FGGY: variants seen among roughly 807,000 people sequenced by gnomAD.
FGGY encodes the protein FGGY carbohydrate kinase domain containing, also known as FGGY carbohydrate kinase domain-containing protein.
FGGY carries 72 observed loss-of-function variants against 71.3 expected under a neutral mutation model. The observed-to-expected ratio is 1.01, with a 90% CI of 0.84 to 1.23. The LOEUF (loss-of-function observed/expected upper bound fraction) is 1.23. Ranked by LOEUF, FGGY falls within the 50% of genes most tolerant of loss-of-function variation. FGGY has a pLI of 0.00. For synonymous variants in FGGY, 251 were observed against 250.3 expected (o/e 1.00, Z -0.02); for missense variants, 668 against 682.3 (o/e 0.98, Z 0.23).
chr1:59,524,055 G>C (rs1434043866), intron 7 of FGGY, among the ~76,000 whole-genome samples: 16 of 152,204 alleles, frequency 1.1e-4, no homozygotes, highest in Non-Finnish European at 2.9e-5. Context: ...CGCTCTCAGG[G>C]GCCCAGGAAG....
intron 5 of FGGY, among the ~76,000 whole-genome samples, chr1:59,448,008 C>T (rs56354248): frequency 0.037 from 5,630 of 152,090 alleles, 148 homozygotes; most frequent in East Asian, 0.13. Context: ...TTTTTATCCT[C>T]ACTTTCAGGG....
chr1:59,301,962 C>T (rs1425051128), intron 1 of FGGY, among the ~76,000 whole-genome samples: 2 of 150,720 alleles, frequency 1.3e-5, no homozygotes, highest in Non-Finnish European at 3.0e-5. Context: ...GTCTTGATCT[C>T]CTGACCTTAG....
chr1:59,535,300 C>T (rs909907400), intron 7 of FGGY, among the ~76,000 whole-genome samples: 14 of 152,220 alleles, frequency 9.2e-5, no homozygotes, highest in East Asian at 3.9e-4. Context: ...AATATATGTG[C>T]ACCCAATACA....
chr1:59,413,696 C>G (rs1235382026), intron 5 of FGGY, among the ~76,000 whole-genome samples: 1 of 152,200 alleles, frequency 6.6e-6, no homozygotes, highest in Non-Finnish European at 1.5e-5. Flanking sequence ...GGGCCAGACA[C>G]ATGACTGTAA....
At chr1:59,474,428 T>C (rs1355026217) in intron 6 of FGGY, among the ~76,000 whole-genome samples, 1 of 152,212 alleles carries the variant, frequency 6.6e-6, no homozygotes, top group Non-Finnish European at 1.5e-5. Context: ...ATTTCCTTGG[T>C]CCTGCAGCAT....
intron 7 of FGGY, among the ~76,000 whole-genome samples, chr1:59,519,898 G>T (rs1312567710): frequency 1.3e-5 from 2 of 152,168 alleles, no homozygotes; most frequent in African/African-American, 2.4e-5. Context: ...TTTTCTCTAG[G>T]CCAGTGGTTC....
chr1:59,325,686 A>T (rs755252361), intron 2 of FGGY, among the ~76,000 whole-genome samples: 1 of 152,342 alleles, frequency 6.6e-6, no homozygotes, highest in South Asian at 2.1e-4. Context: ...TGTTGAATGA[A>T]TGTTACTTAG....
At chr1:59,309,773 C>T (rs1401044436) in intron 1 of FGGY, among the ~76,000 whole-genome samples, 6 of 151,946 alleles carry the variant, frequency 3.9e-5, no homozygotes, top group Non-Finnish European at 7.4e-5. Flanking sequence ...GCCAGGAATT[C>T]GAGACCATTC....
chr1:59,651,987 T>G (rs1279946153), intron 11 of FGGY, among the ~76,000 whole-genome samples: 2 of 150,730 alleles, frequency 1.3e-5, no homozygotes, highest in Admixed American at 6.6e-5. Context: ...GTCTGTAAAG[T>G]ATTTTATTTC....
intron 6 of FGGY, among the ~76,000 whole-genome samples, chr1:59,461,276 G>A (rs778375345): frequency 9.2e-5 from 14 of 152,126 alleles, no homozygotes; most frequent in Admixed American, 1.3e-4. Context: ...TGACACATGC[G>A]CAAGCTTCAA....
chr1:59,752,696 G>A (rs1457104849), intron 14 of FGGY, among the ~76,000 whole-genome samples: 1 of 152,202 alleles, frequency 6.6e-6, no homozygotes, highest in Non-Finnish European at 1.5e-5. Context: ...GGTCATTACA[G>A]TGAGAATTGG....
At chr1:59,734,592 A>C (rs1422179302) in intron 14 of FGGY, among the ~76,000 whole-genome samples, 1 of 152,220 alleles carries the variant, frequency 6.6e-6, no homozygotes, top group African/African-American at 2.4e-5. Context: ...AATCTCAGCT[A>C]AGCTATGACA....
At chr1:59,312,109 G>A (rs1271720967) in intron 1 of FGGY, among the ~76,000 whole-genome samples, 1 of 152,022 alleles carries the variant, frequency 6.6e-6, no homozygotes, top group Non-Finnish European at 1.5e-5. Context: ...GTTTCTTTTT[G>A]TCTTGCAAAT....
intron 14 of FGGY, among the ~76,000 whole-genome samples, chr1:59,682,170 G>T (rs545837330): frequency 6.6e-6 from 1 of 152,258 alleles, no homozygotes; most frequent in African/African-American, 2.4e-5. Context: ...GAGTAAGTGA[G>T]TTACCAAAGC....
chr1:59,435,982 C>T (rs2068372403), intron 5 of FGGY, among the ~76,000 whole-genome samples: 1 of 152,156 alleles, frequency 6.6e-6, no homozygotes, highest in Non-Finnish European at 1.5e-5. Flanking sequence ...GAGACTGTGG[C>T]TGGCCTGGTG....
chr1:59,509,817 G>T (rs926116273), intron 6 of FGGY, among the ~76,000 whole-genome samples: 8 of 152,114 alleles, frequency 5.3e-5, no homozygotes, highest in African/African-American at 1.9e-4. Flanking sequence ...ACCAGCTAAG[G>T]TTTCTTCCTA....
intron 1 of FGGY, among the ~76,000 whole-genome samples, chr1:59,306,950 A>G (rs1291929774): frequency 6.6e-6 from 1 of 152,086 alleles, no homozygotes; most frequent in East Asian, 1.9e-4. Flanking sequence ...TATGGGAGAG[A>G]GATTAAGAAA....
At chr1:59,297,549 G>C (rs1431005323) in intron 1 of FGGY, among the ~76,000 whole-genome samples, 3 of 152,230 alleles carry the variant, frequency 2.0e-5, no homozygotes, top group African/African-American at 7.2e-5. Context: ...GGGGCCGGGC[G>C]CGGTGGCTCA....
chr1:59,673,728 A>G (rs2097404339), intron 13 of FGGY: 1 of 310,786 alleles, frequency 3.2e-6, no homozygotes, highest in Admixed American at 4.1e-5. Context: ...ACATCAGTGG[A>G]TCTGAACTTG....
Sources: gnomAD v4.1 joint callset for allele counts (sites outside exome capture counted in the v4.1 genomes callset) on GRCh38, gnomAD v4.1.1 for gene constraint, MANE v1.5 for transcripts, NCBI Gene and HGNC (gene_info 2026-07-23, HGNC 2026-07-21) for gene names.